Variants in CCSER1 observed in about 807,000 individuals in gnomAD.
CCSER1 encodes serine-rich coiled-coil domain-containing protein 1.
A neutral mutation model predicts 82.0 loss-of-function variants in CCSER1; 41 were observed. That is an observed-to-expected ratio of 0.50 (90% CI 0.39 to 0.65). The LOEUF is 0.65. Ranked by LOEUF, CCSER1 falls within the 30% of genes least tolerant of loss-of-function variation. The pLI, the probability that CCSER1 is intolerant of heterozygous loss-of-function variation, is 0.00. For missense variants in CCSER1, 1,119 were observed against 1,064.2 expected (o/e 1.05, Z -0.72); for synonymous variants, 414 against 383.9 (o/e 1.08, Z -0.92).
chr4:90,629,995 A>G (rs1724065873), intron 6 of CCSER1, among the ~76,000 whole-genome samples: 1 of 152,166 alleles, frequency 6.6e-6, no homozygotes, highest in Non-Finnish European at 1.5e-5. Flanking sequence ...AGATTCATTT[A>G]TGTCATTTTG....
chr4:91,411,238 C>T (rs60991434), intron 10 of CCSER1, among the ~76,000 whole-genome samples: 2 of 151,308 alleles, frequency 1.3e-5, no homozygotes, highest in African/African-American at 2.4e-5. Context: ...CAGTGTTATA[C>T]CAATTACTTG....
intron 8 of CCSER1, among the ~76,000 whole-genome samples, chr4:90,903,822 G>C (rs1244054632): frequency 2.2e-5 from 3 of 137,880 alleles, no homozygotes; most frequent in Non-Finnish European, 4.7e-5. Flanking sequence ...GGGTGACAGA[G>C]TGATACTCTG....
rs556613764 is a variant in CCSER1 at position 91,228,957 on chromosome 4, A to G, written c.2217+142963A>G. ...CATATCTTGTAACGGAAAGACAACA[A>G]TCCTTTATTTGTAACATCAGTAATC... On this transcript the variant is annotated intron_variant, in intron 10 of 10. Transcript: ENST00000509176. Among the ~76,000 whole-genome samples, 15 of 152,150 alleles carry G rather than the reference A, an allele frequency of 9.9e-5. No homozygotes were observed. In the South Asian group the frequency reaches 1.2e-3, roughly 13 times the overall value.
chr4:90,880,363 C>T (rs1244465596), intron 8 of CCSER1, among the ~76,000 whole-genome samples: 3 of 152,092 alleles, frequency 2.0e-5, no homozygotes, highest in Non-Finnish European at 4.4e-5. Flanking sequence ...GCAGTCAGCC[C>T]AGGATGGAGG....
intron 5 of CCSER1, among the ~76,000 whole-genome samples, chr4:90,485,529 C>A (rs918990387): frequency 6.6e-5 from 10 of 150,474 alleles, no homozygotes; most frequent in Non-Finnish European, 1.2e-4. Context: ...CCCCCCCCCC[C>A]CAATTTAACT....
intron 10 of CCSER1, among the ~76,000 whole-genome samples, chr4:91,380,270 G>A (rs968237346): frequency 6.6e-6 from 1 of 152,116 alleles, no homozygotes; most frequent in East Asian, 1.9e-4. Context: ...GGTCCACTTA[G>A]TGCAGAACTG....
chr4:90,743,637 C>T (rs764569022), intron 7 of CCSER1, among the ~76,000 whole-genome samples: 6 of 152,152 alleles, frequency 3.9e-5, no homozygotes, highest in South Asian at 2.1e-4. Flanking sequence ...AGAAAGACTT[C>T]GGCAGCCACC....
chr4:90,374,533 G>T (rs1009982457), intron 3 of CCSER1, among the ~76,000 whole-genome samples: 41 of 152,088 alleles, frequency 2.7e-4, no homozygotes, highest in African/African-American at 2.4e-5. Context: ...TATTGTTTTG[G>T]TTGCTGTCAT....
chr4:90,434,020 A>G (rs1758677039), intron 4 of CCSER1, among the ~76,000 whole-genome samples: 1 of 151,952 alleles, frequency 6.6e-6, no homozygotes, highest in South Asian at 2.1e-4. Flanking sequence ...TTAAAAGATT[A>G]TATATTATTC....
At chr4:90,292,470 G>C (rs953841739) in intron 1 of CCSER1, among the ~76,000 whole-genome samples, 2 of 151,822 alleles carry the variant, frequency 1.3e-5, no homozygotes, top group Non-Finnish European at 2.9e-5. Flanking sequence ...CAAATATATT[G>C]TGAAAGTGTT....
At chr4:91,394,397 T>C in intron 10 of CCSER1, among the ~76,000 whole-genome samples, 1 of 152,064 alleles carries the variant, frequency 6.6e-6, no homozygotes, top group East Asian at 1.9e-4. Flanking sequence ...TTCAAATAAT[T>C]TGTTAAAAAT....
chr4:90,397,549 C>T (rs1326093748), intron 3 of CCSER1, among the ~76,000 whole-genome samples: 1 of 152,118 alleles, frequency 6.6e-6, no homozygotes, highest in Non-Finnish European at 1.5e-5. Context: ...TTTAATTTTT[C>T]AAGTAGGCTT....
intron 1 of CCSER1, among the ~76,000 whole-genome samples, chr4:90,202,777 A>G (rs532323865): frequency 8.3e-4 from 126 of 152,326 alleles, no homozygotes; most frequent in African/African-American, 3.0e-3. Flanking sequence ...GATGAGATTT[A>G]TTCATTTATT....
chr4:90,996,540 G>T (rs1737509059), intron 9 of CCSER1, among the ~76,000 whole-genome samples: 1 of 152,022 alleles, frequency 6.6e-6, no homozygotes, highest in Admixed American at 6.6e-5. Context: ...TATTCTAATT[G>T]ATTAGCTGAG....
intron 5 of CCSER1, among the ~76,000 whole-genome samples, chr4:90,491,855 C>T (rs555658494): frequency 5.3e-5 from 8 of 152,266 alleles, no homozygotes; most frequent in African/African-American, 1.7e-4. Context: ...CCTTGCATCC[C>T]AGGGATGAAG....
Position 91,446,641 on chromosome 4 carries a change from G to C in CCSER1, c.2218-151931G>C, listed in dbSNP as rs183808228. On this transcript the variant is annotated intron_variant, in intron 10 of 10. Coordinates refer to ENST00000509176, the MANE Select transcript of CCSER1 (RefSeq NM_001145065.2). ...AATGAATATGTAATGTCTATGTAAT[G>C]AATATTTTATACAAATATATATTTT... Among the ~76,000 whole-genome samples the C allele has an allele frequency of 4.3e-3, 599 of 139,266 alleles. 5 individuals carry two copies. The highest frequency in any genetic ancestry group is 0.015 in the African/African-American group (562 of 38,134). 91.4% of individuals were successfully genotyped at this position (139,266 alleles called of 152,430 possible).
At chr4:90,483,303 T>A (rs1415960152) in intron 5 of CCSER1, among the ~76,000 whole-genome samples, 5 of 152,334 alleles carry the variant, frequency 3.3e-5, no homozygotes, top group Admixed American at 2.0e-4. Context: ...TACAGCACAC[T>A]AATGGGTCTT....
At chr4:90,411,848 A>G (rs1483088518) in intron 4 of CCSER1, among the ~76,000 whole-genome samples, 1 of 152,158 alleles carries the variant, frequency 6.6e-6, no homozygotes, top group Non-Finnish European at 1.5e-5. Context: ...GTTTGCAGAT[A>G]ACATGATTGT....
At chr4:90,611,322 C>G (rs1785473220) in intron 5 of CCSER1, among the ~76,000 whole-genome samples, 1 of 152,086 alleles carries the variant, frequency 6.6e-6, no homozygotes, top group South Asian at 2.1e-4. Context: ...TTATTCTACT[C>G]TCTTTCTTGT....
Sources: gnomAD v4.1 joint callset for allele counts (sites outside exome capture counted in the v4.1 genomes callset) on GRCh38, gnomAD v4.1.1 for gene constraint, MANE v1.5 for transcripts, NCBI Gene and HGNC (gene_info 2026-07-23, HGNC 2026-07-21) for gene names.